Variants in SEC22A observed in about 807,000 individuals in gnomAD.
The protein encoded by SEC22A is vesicle-trafficking protein SEC22a.
A neutral mutation model predicts 35.3 loss-of-function variants in SEC22A; 22 were observed. The observed-to-expected ratio is 0.62, with a 90% CI of 0.45 to 0.89. SEC22A has a LOEUF of 0.89. SEC22A is among the 40% of genes least tolerant of loss of function. The pLI is 0.00. For missense variants in SEC22A, 354 were observed against 362.5 expected, an observed-to-expected ratio of 0.98 and a Z score of 0.19; for synonymous variants, 119 against 129.5, an observed-to-expected ratio of 0.92 and a Z score of 0.55.
intron 6 of SEC22A, among the ~76,000 whole-genome samples, chr3:123,271,291 G>C (rs1250111798): frequency 1.3e-5 from 2 of 152,106 alleles, no homozygotes; most frequent in Non-Finnish European, 2.9e-5. Context: ...GATACAAAAT[G>C]CTTTTCTTCT....
intron 5 of SEC22A, among the ~76,000 whole-genome samples, chr3:123,248,637 T>G (rs1318445849): frequency 6.6e-6 from 1 of 152,200 alleles, no homozygotes; most frequent in Non-Finnish European, 1.5e-5. Flanking sequence ...GACTCAATAT[T>G]GTTTAGGTAT....
intron 6 of SEC22A, among the ~76,000 whole-genome samples, chr3:123,266,557 C>T (rs1187845199): frequency 6.6e-6 from 1 of 152,102 alleles, no homozygotes; most frequent in Non-Finnish European, 1.5e-5. Flanking sequence ...TTTAGAATTG[C>T]ATCGTTTCAC....
rs111547748 is a variant in SEC22A, at chr3:123,210,778, A to G, written c.182+1379A>G. Among the ~76,000 whole-genome samples, 408 of 152,348 alleles carry G rather than the reference A, an allele frequency of 2.7e-3. 4 individuals carry two copies. The highest frequency in any genetic ancestry group is 9.1e-3 in the African/African-American group (378 of 41,578). ...ACAGTCCATATAGGATATAATAAGC[A>G]GAGGGCTTCGTTGTTGAGATGAGAC... On this transcript the variant is annotated intron_variant, in intron 2 of 6. Transcript: ENST00000492595.
intron 2 of SEC22A, 139 bp downstream of exon 2, chr3:123,209,538 A>G (rs1936904834): frequency 1.5e-6 from 1 of 656,270 alleles, no homozygotes; most frequent in South Asian, 2.2e-5. Flanking sequence ...CTTATACTAA[A>G]TAGTCATCAT....
chr3:123,272,705 C>G lies in SEC22A; in HGVS notation c.*983C>G, dbSNP rs1177866559. 1 of 153,616 alleles carries G rather than the reference C, an allele frequency of 6.5e-6. No individual in the cohort carries two copies. The highest frequency in any genetic ancestry group is 1.5e-5 in the Non-Finnish European group (1 of 68,040). 9.5% of individuals were successfully genotyped at this position (153,616 alleles called of 1,614,324 possible). ...TACCAGCACCAGCATGAGGCACTGT[C>G]TCTGGAATAGTCAGAGGATAAAAGG... is the stretch of plus-strand genomic sequence containing the variant. On this transcript the variant is annotated 3_prime_UTR_variant, in exon 7 of 7. Transcript: ENST00000492595.
At chr3:123,244,295 G>A (rs368758645) in intron 4 of SEC22A, among the ~76,000 whole-genome samples, 32 of 152,338 alleles carry the variant, frequency 2.1e-4, no homozygotes, top group African/African-American at 7.0e-4. Context: ...GGGGGCGGAA[G>A]TGGGGGAATC....
chr3:123,237,513 T>C (rs1468751767), intron 4 of SEC22A, among the ~76,000 whole-genome samples: 2 of 152,222 alleles, frequency 1.3e-5, no homozygotes, highest in African/African-American at 4.8e-5. Context: ...TTTTAAGACT[T>C]GGATGGTGGC....
At chr3:123,240,769 C>T (rs574432765) in intron 4 of SEC22A, among the ~76,000 whole-genome samples, 9 of 151,882 alleles carry the variant, frequency 5.9e-5, no homozygotes, top group East Asian at 1.9e-4. Context: ...ACATCTTCAC[C>T]GACATTTAGT....
chr3:123,265,500 A>G (rs1259424778), intron 6 of SEC22A, among the ~76,000 whole-genome samples: 1 of 150,764 alleles, frequency 6.6e-6, no homozygotes, highest in African/African-American at 2.4e-5. Context: ...ATCAGTCTGT[A>G]TCTTATCTTT....
intron 5 of SEC22A, among the ~76,000 whole-genome samples, chr3:123,246,252 A>T (rs1937565577): frequency 6.6e-6 from 1 of 152,222 alleles, no homozygotes; most frequent in Non-Finnish European, 1.5e-5. Flanking sequence ...GGGGACCCCA[A>T]GATGTGTGTG....
chr3:123,222,373 A>G (rs1937140180), intron 2 of SEC22A, among the ~76,000 whole-genome samples: 1 of 151,710 alleles, frequency 6.6e-6, no homozygotes, highest in Non-Finnish European at 1.5e-5. Context: ...TAATTTTTGT[A>G]TTTTTAGTAG....
At chr3:123,210,002 C>G (rs1936913405) in intron 2 of SEC22A, among the ~76,000 whole-genome samples, 2 of 152,040 alleles carry the variant, frequency 1.3e-5, no homozygotes, top group African/African-American at 4.8e-5. Flanking sequence ...AACCAGTGAT[C>G]CTGAAGAATT....
chr3:123,244,161 ATATC>A (rs1472568253), intron 4 of SEC22A, among the ~76,000 whole-genome samples: 1 of 152,232 alleles, frequency 6.6e-6, no homozygotes, highest in Admixed American at 6.5e-5. Context: ...ATGTGATTAA[ATATC>A]TAGTTCAGTT....
intron 2 of SEC22A, among the ~76,000 whole-genome samples, chr3:123,218,544 G>A (rs760987881): frequency 4.6e-5 from 7 of 152,088 alleles, no homozygotes; most frequent in Non-Finnish European, 7.4e-5. Context: ...AGCCATTCTC[G>A]GGGTACTCAC....
chr3:123,218,327 A>G (rs1268531547), intron 2 of SEC22A, among the ~76,000 whole-genome samples: 1 of 152,208 alleles, frequency 6.6e-6, no homozygotes, highest in Admixed American at 6.5e-5. Flanking sequence ...AGTAAAGACC[A>G]AACCCCACTG....
At chr3:123,242,194 C>T (rs1489964652) in intron 4 of SEC22A, among the ~76,000 whole-genome samples, 4 of 152,084 alleles carry the variant, frequency 2.6e-5, no homozygotes, top group Non-Finnish European at 4.4e-5. Context: ...CTTTCTTTGA[C>T]GCTCATTTAA....
Position 123,241,458 on chromosome 3 carries a change from C to T in SEC22A, c.542-4441C>T, listed in dbSNP as rs946190636. Among the ~76,000 whole-genome samples the T allele has an allele frequency of 5.3e-5, 8 of 152,104 alleles. No individual in the cohort carries two copies. In the South Asian group the frequency reaches 8.3e-4, roughly 16 times the overall value. ...GGCATTGTGGGCATCTTTGAGATTT[C>T]GAATGGTACCATCTCTTTGAATCGT... On this transcript the variant is annotated intron_variant, in intron 4 of 6. Transcript: ENST00000492595.
intron 6 of SEC22A, among the ~76,000 whole-genome samples, chr3:123,261,788 A>G (rs1420127261): frequency 6.6e-6 from 1 of 152,196 alleles, no homozygotes; most frequent in African/African-American, 2.4e-5. Flanking sequence ...GACAGTTCTT[A>G]TAGCTTGTTA....
intron 4 of SEC22A, among the ~76,000 whole-genome samples, chr3:123,228,716 A>G (rs1427561942): frequency 1.3e-5 from 2 of 152,130 alleles, no homozygotes; most frequent in Non-Finnish European, 2.9e-5. Context: ...CAAAGTAGTC[A>G]TTATAATCAT....
Sources: gnomAD v4.1 joint callset for allele counts (sites outside exome capture counted in the v4.1 genomes callset) on GRCh38, gnomAD v4.1.1 for gene constraint, MANE v1.5 for transcripts, NCBI Gene and HGNC (gene_info 2026-07-23, HGNC 2026-07-21) for gene names.